The following ST3GAL6 variants were observed in gnomAD, a reference collection of about 807,000 sequenced individuals.
The protein encoded by ST3GAL6 is type 2 lactosamine alpha-2,3-sialyltransferase.
ST3GAL6 carries 31 observed loss-of-function variants against 40.5 expected under a neutral mutation model. That is an observed-to-expected ratio of 0.77 (90% CI 0.58 to 1.03). The LOEUF (loss-of-function observed/expected upper bound fraction) is 1.03. Among genes scored for constraint, ST3GAL6 ranks in the 50% least tolerant of loss-of-function variants. ST3GAL6 has a pLI of 0.00. For synonymous variants in ST3GAL6, 129 were observed against 136.9 expected (o/e 0.94, Z 0.40); for missense variants, 357 against 393.2 (o/e 0.91, Z 0.78).
chr3:98,732,896 G>A (rs1935153317), intron 1 of ST3GAL6: 10 of 1,508,862 alleles, frequency 6.6e-6, no homozygotes, highest in South Asian at 1.2e-5. Context: ...GGCAGCAGCC[G>A]GCTGGAGCAG....
upstream of ST3GAL6, among the ~76,000 whole-genome samples, chr3:98,762,463 T>TA (rs1393668493): frequency 6.6e-6 from 1 of 152,216 alleles, no homozygotes; most frequent in Non-Finnish European, 1.5e-5. Flanking sequence ...ATTGTATGTT[T>TA]AAAAAATCTA....
At chr3:98,738,210 A>G (rs952760693) in intron 1 of ST3GAL6, among the ~76,000 whole-genome samples, 1 of 151,336 alleles carries the variant, frequency 6.6e-6, no homozygotes, top group Admixed American at 6.6e-5. Context: ...CTTTCCGTAC[A>G]GCCTGAAGAA....
chr3:98,759,767 A>C (rs925874752), upstream of ST3GAL6, among the ~76,000 whole-genome samples: 2 of 152,176 alleles, frequency 1.3e-5, no homozygotes, highest in Admixed American at 6.5e-5. Context: ...GAAATGTTGT[A>C]AATATGTGGC....
upstream of ST3GAL6, chr3:98,763,311 C>T (rs781147985): frequency 5.1e-5 from 66 of 1,286,812 alleles, no homozygotes; most frequent in Non-Finnish European, 6.6e-5. Flanking sequence ...ATCTGTTGGC[C>T]ATGTTCCACA....
intron 5 of ST3GAL6, among the ~76,000 whole-genome samples, chr3:98,776,062 A>G (rs898558222): frequency 2.6e-5 from 4 of 152,240 alleles, no homozygotes; most frequent in African/African-American, 9.6e-5. Flanking sequence ...GACCTGGGCA[A>G]ACCTTATCGA....
rs1941445608 is a variant in ST3GAL6 at position 98,794,417 on chromosome 3, A to AAAG, written c.*659_*661dup. ...AACTCTGATGGCTTTGTATTATTTT[A>AAAG]AAGAAATGAAGTTTAACTTTATACA... On this transcript the variant is annotated 3_prime_UTR_variant, in exon 10 of 10. Transcript: ENST00000483910. 1 of 130,610 alleles carries AAAG rather than the reference A, an allele frequency of 7.7e-6. No homozygotes were observed. Among genetic ancestry groups the AAAG allele is most frequent in the Admixed American group, 7.5e-5 (1 of 13,290 alleles). The allele number at this position is 130,610 out of a possible 1,614,324, so 8.1% of individuals were successfully genotyped here.
At chr3:98,775,076 T>C (rs971811424) in intron 5 of ST3GAL6, among the ~76,000 whole-genome samples, 3 of 152,194 alleles carry the variant, frequency 2.0e-5, no homozygotes, top group Non-Finnish European at 4.4e-5. Flanking sequence ...TCTGTAAGTT[T>C]CTGGAGAAAC....
chr3:98,743,375 G>A (rs1490863534), intron 1 of ST3GAL6, among the ~76,000 whole-genome samples: 1 of 151,726 alleles, frequency 6.6e-6, no homozygotes, highest in African/African-American at 2.4e-5. Context: ...TTATAAAGCA[G>A]CCTCTTAAGA....
At chr3:98,793,352 G>T (rs1576142365) in intron 9 of ST3GAL6, among the ~76,000 whole-genome samples, 1 of 152,238 alleles carries the variant, frequency 6.6e-6, no homozygotes, top group East Asian at 1.9e-4. Context: ...ATTTCTAGGG[G>T]CTTCTTCCAT....
At chr3:98,762,812 G>A, upstream of ST3GAL6, 1 of 985,354 alleles carries the variant, frequency 1.0e-6, no homozygotes, top group Non-Finnish European at 1.2e-6. Context: ...CCAGTGCTCT[G>A]GGTATTAAAC....
chr3:98,788,527 G>C, intron 8 of ST3GAL6, 64 bp downstream of exon 8: 1 of 1,469,266 alleles, frequency 6.8e-7, no homozygotes, highest in Non-Finnish European at 9.1e-7. Flanking sequence ...AGAGGGTCCT[G>C]GGAACTCTCA....
At chr3:98,772,646 T>C (rs1473217165) in intron 3 of ST3GAL6, among the ~76,000 whole-genome samples, 167 bp from the exon 4 acceptor site, 1 of 152,178 alleles carries the variant, frequency 6.6e-6, no homozygotes, top group Non-Finnish European at 1.5e-5. Flanking sequence ...TATGCAATAT[T>C]TCAGCACGGT....
intron 5 of ST3GAL6, chr3:98,783,460 T>G: frequency 1.4e-6 from 1 of 701,248 alleles, no homozygotes; most frequent in Non-Finnish European, 1.8e-6. Flanking sequence ...CTGTGTACCT[T>G]CCTCCCCTCA....
At chr3:98,739,750 A>T (rs919774019) in intron 1 of ST3GAL6, among the ~76,000 whole-genome samples, 3 of 152,166 alleles carry the variant, frequency 2.0e-5, no homozygotes, top group Admixed American at 2.0e-4. Context: ...TATTTTTTTA[A>T]TTCTGTCTTT....
intron 1 of ST3GAL6, among the ~76,000 whole-genome samples, chr3:98,738,082 C>G (rs1035807504): frequency 1.5e-5 from 2 of 136,750 alleles, no homozygotes; most frequent in Non-Finnish European, 3.2e-5. Context: ...GTTTAGCCTC[C>G]CCCCGCCCTC....
intron 9 of ST3GAL6, among the ~76,000 whole-genome samples, chr3:98,792,576 G>A (rs868019297): frequency 4.7e-5 from 7 of 147,954 alleles, no homozygotes; most frequent in Middle Eastern, 3.5e-3. Context: ...GCATGATCTC[G>A]GCTTACTGCA....
intron 5 of ST3GAL6, among the ~76,000 whole-genome samples, chr3:98,780,913 T>C (rs894874969): frequency 5.9e-5 from 9 of 152,224 alleles, no homozygotes; most frequent in Non-Finnish European, 1.2e-4. Context: ...GTTATATAAC[T>C]GACCACGTCT....
chr3:98,762,895 A>G, upstream of ST3GAL6: 1 of 985,442 alleles, frequency 1.0e-6, no homozygotes, highest in South Asian at 4.7e-5. Flanking sequence ...TGTGCTGGCC[A>G]TTTAGTAAGT....
chr3:98,741,064 G>GTGTGTGT (rs1236225972), intron 1 of ST3GAL6, among the ~76,000 whole-genome samples: 1 of 144,746 alleles, frequency 6.9e-6, no homozygotes, highest in Non-Finnish European at 1.5e-5. Flanking sequence ...GTGTGTGTGT[G>GTGTGTGT]TGTGTGTGTG....
Sources: allele counts gnomAD v4.1 joint callset (sites outside exome capture counted in the v4.1 genomes callset), GRCh38; gene constraint gnomAD v4.1.1; transcripts MANE v1.5; gene names NCBI Gene and HGNC (gene_info 2026-07-23, HGNC 2026-07-21).